The following CFAP77 variants were observed in gnomAD, a reference collection of about 807,000 sequenced individuals.
The protein encoded by CFAP77 is cilia and flagella associated protein 77.
Under a neutral mutation model 31.1 loss-of-function variants are expected in CFAP77, and 25 were observed. That is an observed-to-expected ratio of 0.80 (90% CI 0.59 to 1.12). The LOEUF is 1.12. Among genes scored for constraint, CFAP77 ranks in the 50% most tolerant of loss-of-function variants. CFAP77 has a pLI of 0.00. For synonymous variants in CFAP77, 151 were observed against 159.9 expected, an observed-to-expected ratio of 0.94 and a Z score of 0.42; for missense variants, 377 against 397.3, an observed-to-expected ratio of 0.95 and a Z score of 0.44.
In CFAP77 at chr9:132,479,669, G is replaced by C. The variant is rs544004982; in HGVS notation, c.196-19026G>C. Reference sequence around the variant, plus strand: ...CCGTTGGCTTTGCTCAGGCCATCCTGGTTGAAAGCGTGTGGGCAGGTGGGC... The same window carrying C: ...CCGTTGGCTTTGCTCAGGCCATCCTCGTTGAAAGCGTGTGGGCAGGTGGGC... On this transcript the variant is annotated intron_variant, in intron 1 of 5. Transcript: ENST00000393216. 5.6e-4 allele frequency among the ~76,000 whole-genome samples: 86 copies of C among 152,332 alleles called. 2 individuals are homozygous for C. Among genetic ancestry groups the C allele is most frequent in the African/African-American group, 2.0e-3 (84 of 41,566 alleles).
At position 132,424,530 on chromosome 9, in the gene CFAP77, A is replaced by T. The variant is rs113773116; in HGVS notation, c.195+14064A>T. On this transcript the variant is annotated intron_variant, in intron 1 of 5. Coordinates refer to ENST00000393216, the MANE Select transcript of CFAP77 (RefSeq NM_001282957.2). This position sits in a 1 kb window ranked among gnomAD's most constrained non-coding sequence, Gnocchi z 4.1. ...TAGACAATGGCTAGACAAGGTGAGA[A>T]ATTGGCTGCCATGAGCTTGGGTGCA... Among the ~76,000 whole-genome samples the T allele has an allele frequency of 9.8e-3, 1,497 of 152,274 alleles. 27 individuals carry two copies. The highest frequency in any genetic ancestry group is 0.034 in the African/African-American group (1,425 of 41,566).
Position 132,552,695 on chromosome 9 carries a change from C to CA in CFAP77, c.732+9665dup, listed in dbSNP as rs571136796. Among the ~76,000 whole-genome samples the CA allele has an allele frequency of 0.034, 3,082 of 89,888 alleles. 93 individuals are homozygous for CA. Among genetic ancestry groups the CA allele is most frequent in the African/African-American group, 0.085 (2,275 of 26,774 alleles). The allele number at this position is 89,888 out of a possible 152,430, so 59.0% of individuals were successfully genotyped here. A position where few individuals can be genotyped will look rare whatever the true frequency, so the allele number is the denominator to read the frequency against. Reference sequence around the variant, plus strand: ...CAGGTGACAGGGTGAGACTCCATCTCAAAAAAAAAAAAAAAAAGCAGAGTC... The same window carrying CA: ...CAGGTGACAGGGTGAGACTCCATCTCAAAAAAAAAAAAAAAAAAGCAGAGTC... On this transcript the variant is annotated intron_variant, in intron 5 of 5. Coordinates refer to ENST00000393216, the MANE Select transcript of CFAP77 (RefSeq NM_001282957.2). The surrounding 1 kb of genome is among the most constrained non-coding windows in gnomAD (Gnocchi z 5.5).
chr9:132,416,075 C>A (rs1312467528), intron 1 of CFAP77, among the ~76,000 whole-genome samples: 1 of 152,058 alleles, frequency 6.6e-6, no homozygotes, highest in Non-Finnish European at 1.5e-5. Context: ...AACATTGTAA[C>A]CAGGCATAGG....
Position 132,410,563 on chromosome 9 carries a change from G to A in CFAP77, c.195+97G>A. 2.7e-6 allele frequency: 3 copies of A among 1,109,332 alleles called. 1 individual carries two copies. Among genetic ancestry groups the A allele is most frequent in the Non-Finnish European group, 3.7e-6 (3 of 812,012 alleles). 68.7% of individuals were successfully genotyped at this position (1,109,332 alleles called of 1,614,324 possible). A position where few individuals can be genotyped will look rare whatever the true frequency, so the allele number is the denominator to read the frequency against. ...CCGCAGCGCCCTGGCCCCGCGGCCC[G>A]GGGTCCGAGCGCAGCGTGGGAAGCT... On this transcript the variant is annotated intron_variant, in intron 1 of 5. Transcript: ENST00000393216.
intron 1 of CFAP77, among the ~76,000 whole-genome samples, chr9:132,427,430 G>T (rs1850335991): frequency 6.6e-6 from 1 of 152,106 alleles, no homozygotes; most frequent in African/African-American, 2.4e-5. Flanking sequence ...CTGTATTAGG[G>T]CTGCCTAACG....
chr9:132,469,224 A>G (rs546423), intron 1 of CFAP77, among the ~76,000 whole-genome samples: 102,714 of 151,894 alleles, frequency 0.68, 35,484 homozygotes, highest in East Asian at 0.9. Context: ...GGACCAGCTC[A>G]TGCAATCACA....
At chr9:132,513,732 C>T (rs532193442) in intron 3 of CFAP77, among the ~76,000 whole-genome samples, 2 of 152,292 alleles carry the variant, frequency 1.3e-5, no homozygotes, top group Admixed American at 1.3e-4. Flanking sequence ...CCCTGGCACA[C>T]CTGGTGCCCC....
intron 1 of CFAP77, among the ~76,000 whole-genome samples, chr9:132,418,744 C>A (rs1056277871): frequency 3.9e-5 from 6 of 152,188 alleles, no homozygotes; most frequent in Non-Finnish European, 7.3e-5. Context: ...AACTCATTAG[C>A]AAAGGGGCTG....
At chr9:132,435,309 T>C (rs1850486887) in intron 1 of CFAP77, among the ~76,000 whole-genome samples, 1 of 152,218 alleles carries the variant, frequency 6.6e-6, no homozygotes. Context: ...CTGAATGTTG[T>C]AACTTCCATT....
At chr9:132,410,528 G>C (rs1015736101) in intron 1 of CFAP77, 62 bp downstream of exon 1, 46 of 1,417,208 alleles carry the variant, frequency 3.2e-5, no homozygotes, top group Admixed American at 1.3e-4. Context: ...GCGCCGCCGG[G>C]GGTCCCCACC....
chr9:132,533,459 G>GAC (rs879851212), intron 3 of CFAP77, among the ~76,000 whole-genome samples: 2,707 of 152,310 alleles, frequency 0.018, 85 homozygotes, highest in African/African-American at 0.062. Context: ...TCCCTCCCAG[G>GAC]GCTCTAGCCG....
intron 3 of CFAP77, among the ~76,000 whole-genome samples, chr9:132,508,290 A>C (rs912885837): frequency 2.0e-5 from 3 of 152,230 alleles, no homozygotes; most frequent in African/African-American, 7.2e-5. Context: ...AGCCATGTTA[A>C]TAGAGGTAGC....
Position 132,517,658 on chromosome 9 carries a change from C to T in CFAP77, c.524+18058C>T, listed in dbSNP as rs561274697. ...AGCTCCACAAAGTTTTAATGAGCAG[C>T]GAAGATGAAGATGGGTTGCCATGAA... On this transcript the variant is annotated intron_variant, in intron 3 of 5. Transcript: ENST00000393216. This position sits in a 1 kb window ranked among gnomAD's most constrained non-coding sequence, Gnocchi z 4.7. 2.0e-5 allele frequency among the ~76,000 whole-genome samples: 3 copies of T among 152,304 alleles called. No individual in the cohort carries two copies. Among genetic ancestry groups the T allele is most frequent in the South Asian group, 2.1e-4 (1 of 4,824 alleles).
chr9:132,426,136 G>A (rs1850308558), intron 1 of CFAP77, among the ~76,000 whole-genome samples: 1 of 152,130 alleles, frequency 6.6e-6, no homozygotes, highest in Admixed American at 6.5e-5. Context: ...TTGCTATCTT[G>A]TCAGAGCTGT....
In CFAP77 at chr9:132,436,047, G is replaced by A. The variant is rs540999454; in HGVS notation, c.195+25581G>A. 3.3e-5 allele frequency among the ~76,000 whole-genome samples: 5 copies of A among 152,282 alleles called. No individual in the cohort carries two copies. The East Asian group carries it at 7.7e-4, about 23-fold the overall frequency. On this transcript the variant is annotated intron_variant, in intron 1 of 5. Transcript: ENST00000393216. ...GGAATGAAGAAAGGATGATGGTCTG[G>A]TTATGGACTTGGCAGGTGTATTCAT...
At chr9:132,546,675 C>G (rs1852736901) in intron 5 of CFAP77, among the ~76,000 whole-genome samples, 1 of 152,216 alleles carries the variant, frequency 6.6e-6, no homozygotes, top group Admixed American at 6.5e-5. Context: ...GAAGAGGACA[C>G]ATCCCCCACT....
At chr9:132,507,581 G>A (rs1262841467) in intron 3 of CFAP77, among the ~76,000 whole-genome samples, 1 of 152,112 alleles carries the variant, frequency 6.6e-6, no homozygotes, top group Non-Finnish European at 1.5e-5. Context: ...TGCCTGACAG[G>A]TTTTTTTGAA....
At chr9:132,513,360 C>T (rs1333796200) in intron 3 of CFAP77, 2 of 1,536,290 alleles carry the variant, frequency 1.3e-6, no homozygotes, top group Admixed American at 2.1e-5. Context: ...GCTTTCGCTT[C>T]TGATCCTTTC....
At chr9:132,482,208 G>A (rs1181476997) in intron 1 of CFAP77, 3 of 615,902 alleles carry the variant, frequency 4.9e-6, no homozygotes, top group African/African-American at 1.9e-5. Flanking sequence ...TCTTTTCATA[G>A]GGAGCCTTTT....
Sources: gnomAD v4.1 joint callset for allele counts (sites outside exome capture counted in the v4.1 genomes callset) on GRCh38, gnomAD v4.1.1 for gene constraint, Gnocchi (gnomAD v3.1) non-coding constraint, MANE v1.5 for transcripts, NCBI Gene and HGNC (gene_info 2026-07-23, HGNC 2026-07-21) for gene names.